SP3: variants seen among roughly 807,000 people sequenced by gnomAD.
SP3 encodes the protein Sp3 transcription factor, also known as transcription factor Sp3.
A neutral mutation model predicts 70.3 loss-of-function variants in SP3; 10 were observed. The ratio of observed to expected loss-of-function variants is 0.14; its 90% CI spans 0.09 to 0.24. The LOEUF is 0.24. SP3 is among the 10% of genes least tolerant of loss of function. The probability of loss-of-function intolerance (pLI) is 1.00; values close to 1 mark genes in which losing one functional copy is unlikely to be tolerated. For synonymous variants in SP3, 402 were observed against 333.5 expected (o/e 1.21, Z -2.24); for missense variants, 825 against 914.6 (o/e 0.90, Z 1.26).
chr2:173,933,637 TTTATATATA>T (rs1297697032), intron 4 of SP3, among the ~76,000 whole-genome samples: 1 of 104,654 alleles, frequency 9.6e-6, no homozygotes, highest in African/African-American at 4.0e-5. Flanking sequence ...TTTATAAAAC[TTTATATATA>T]TATATATATA....
At chr2:173,940,161 C>T (rs1218442072) in intron 4 of SP3, among the ~76,000 whole-genome samples, 2 of 152,166 alleles carry the variant, frequency 1.3e-5, no homozygotes, top group African/African-American at 2.4e-5. Flanking sequence ...TATGCCACCA[C>T]ACTCAGCCTA....
chr2:173,913,320 A>T lies in SP3; in HGVS notation c.1833-54T>A, dbSNP rs895401345. On this transcript the variant is annotated intron_variant, in intron 5 of 6. Coordinates refer to ENST00000310015, the MANE Select transcript of SP3 (RefSeq NM_003111.5). ...CTTATATGAAAATATTCAAATGGAC[A>T]TTACCATTTACATCATATATCCCCA... 7.1e-6 allele frequency: 9 copies of T among 1,276,432 alleles called. No individual in the cohort carries two copies. The African/African-American group carries it at 1.4e-4, about 19-fold the overall frequency. 79.1% of individuals were successfully genotyped at this position (1,276,432 alleles called of 1,614,324 possible).
chr2:173,965,265 CG>C lies in SP3; in HGVS notation c.-95del. 1.4e-6 allele frequency: 2 copies of C among 1,400,934 alleles called. No individual in the cohort carries two copies. The highest frequency in any genetic ancestry group is 2.0e-6 in the Non-Finnish European group (2 of 1,015,634). 86.8% of individuals were successfully genotyped at this position (1,400,934 alleles called of 1,614,324 possible). ...CGGCGGGAGAGGATGCGGGAAGCGG[CG>C]GCGGACACGGCCGGAGCGGTCCGGG... On this transcript the variant is annotated 5_prime_UTR_variant, in exon 1 of 7. Coordinates refer to ENST00000310015, the MANE Select transcript of SP3 (RefSeq NM_003111.5).
Position 173,964,261 on chromosome 2 carries a change from G to A in SP3, c.156+144C>T, listed in dbSNP as rs1574431593. On this transcript the variant is annotated intron_variant, in intron 2 of 6. Coordinates refer to ENST00000310015, the MANE Select transcript of SP3 (RefSeq NM_003111.5). The stretch of plus-strand genomic sequence containing the variant: ...GGGTCGGAGCGTTGGCGCCTCGGGC[G>A]GGCAGCTCCCGGGGCGGGGGGAGGG... 4 of 511,170 alleles carry A rather than the reference G, an allele frequency of 7.8e-6. No homozygotes were observed. The East Asian group carries it at 1.1e-4, about 14-fold the overall frequency. The allele number at this position is 511,170 out of a possible 1,614,324, so 31.7% of individuals were successfully genotyped here.
At chr2:173,910,597 A>G (rs1447601845) in intron 6 of SP3, among the ~76,000 whole-genome samples, 11 of 152,252 alleles carry the variant, frequency 7.2e-5, no homozygotes, top group Admixed American at 7.2e-4. Context: ...TCTATAACAC[A>G]CTTTAAAGTC....
intron 6 of SP3, among the ~76,000 whole-genome samples, chr2:173,910,834 T>C (rs6433449): frequency 0.72 from 109,393 of 151,996 alleles, 40,349 homozygotes; most frequent in African/African-American, 0.86. Flanking sequence ...CCTAATATGT[T>C]AAGATGTTAA....
intron 1 of SP3, 108 bp downstream of exon 1, chr2:173,965,057 G>T: frequency 1.4e-6 from 2 of 1,422,362 alleles, no homozygotes; most frequent in African/African-American, 1.4e-5. Flanking sequence ...ACAGACACTC[G>T]GTCGCACACA....
At chr2:173,933,387 G>A (rs1296719409) in intron 4 of SP3, among the ~76,000 whole-genome samples, 2 of 151,830 alleles carry the variant, frequency 1.3e-5, no homozygotes, top group Admixed American at 6.6e-5. Context: ...AACAGAGCAG[G>A]GCAAAATTAA....
intron 4 of SP3, among the ~76,000 whole-genome samples, chr2:173,951,187 G>A (rs1195426783): frequency 6.6e-6 from 1 of 152,088 alleles, no homozygotes; most frequent in Non-Finnish European, 1.5e-5. Flanking sequence ...AACACCTATA[G>A]AACGCTGTAA....
At chr2:173,963,002 T>C (rs2105508224) in intron 3 of SP3, 1 of 152,336 alleles carries the variant, frequency 6.6e-6, no homozygotes, top group East Asian at 1.9e-4. Context: ...AATGAAAACA[T>C]ACTTTTGCCA....
At chr2:173,928,634 G>A (rs753624500) in intron 4 of SP3, among the ~76,000 whole-genome samples, 1 of 152,106 alleles carries the variant, frequency 6.6e-6, no homozygotes, top group East Asian at 1.9e-4. Flanking sequence ...TCCACTAAAC[G>A]ACACCTATGT....
At chr2:173,956,262 T>C in intron 3 of SP3, 30 bp from the exon 4 acceptor site, 1 of 1,536,602 alleles carries the variant, frequency 6.5e-7, no homozygotes, top group African/African-American at 1.4e-5. Flanking sequence ...AGGTGATATA[T>C]TTGTGGTATA....
chr2:173,950,658 TAAA>T (rs528534985), intron 4 of SP3, among the ~76,000 whole-genome samples: 2 of 130,514 alleles, frequency 1.5e-5, no homozygotes, highest in Non-Finnish European at 3.3e-5. Flanking sequence ...CCCTGTCTCT[TAAA>T]AAAAAAAAAA....
rs1353745402 is a variant in SP3, at chr2:173,964,432, A to C, written c.129T>G (p.Gly43=). The change falls in exon 2 of 7, where the codon GGT becomes GGG. Residue 43 remains glycine, a synonymous_variant. Transcript: ENST00000310015. ...YLQQQQQHGN[G]AVAAAAAAQD... ...GGGCCGCCGCTGCCGCCGCCACCGC[A>C]CCGTTTCCGTGCTGTTGCTGCTGCT... The C allele has an allele frequency of 1.4e-6, 1 of 730,410 alleles. No homozygotes were observed. The highest frequency in any genetic ancestry group is 1.8e-5 in the Admixed American group (1 of 54,878). The allele number at this position is 730,410 out of a possible 1,614,324, so 45.2% of individuals were successfully genotyped here.
In SP3 at chr2:173,911,813, C is replaced by CTTTTTT. The variant is rs11448837; in HGVS notation, c.2029+1251_2029+1256dup. 5.5e-4 allele frequency among the ~76,000 whole-genome samples: 54 copies of CTTTTTT among 98,018 alleles called. 1 individual carries two copies. The highest frequency in any genetic ancestry group is 7.9e-4 in the Non-Finnish European group (41 of 52,090). 64.3% of individuals were successfully genotyped at this position (98,018 alleles called of 152,430 possible). A position where few individuals can be genotyped will look rare whatever the true frequency, so the allele number is the denominator to read the frequency against. On this transcript the variant is annotated intron_variant, in intron 6 of 6. Transcript: ENST00000310015. ...CTGCAACGCAAAATCTTTTATCTAC[C>CTTTTTT]TTTTTTTTTTTTTTTTTTTTTTTGA...
intron 3 of SP3, among the ~76,000 whole-genome samples, chr2:173,961,510 C>T (rs1344948334): frequency 2.0e-5 from 3 of 152,146 alleles, no homozygotes; most frequent in Non-Finnish European, 4.4e-5. Flanking sequence ...TGGTGAAACG[C>T]AAACAAAGTC....
At chr2:173,926,852 T>G (rs1689924805) in intron 4 of SP3, among the ~76,000 whole-genome samples, 1 of 152,178 alleles carries the variant, frequency 6.6e-6, no homozygotes, top group Non-Finnish European at 1.5e-5. Context: ...GTTATGCTTT[T>G]TAGATAGTAT....
At chr2:173,933,642 A>ATATATG (rs1690130228) in intron 4 of SP3, among the ~76,000 whole-genome samples, 2 of 123,280 alleles carry the variant, frequency 1.6e-5, no homozygotes, top group African/African-American at 7.7e-5. Context: ...AAAACTTTAT[A>ATATATG]TATATATATA....
intron 4 of SP3, among the ~76,000 whole-genome samples, chr2:173,950,091 TG>T (rs1372172011): frequency 1.3e-5 from 2 of 152,064 alleles, no homozygotes; most frequent in Non-Finnish European, 2.9e-5. Context: ...GGGCCACAAA[TG>T]GACAGAAATA....
Sources: gnomAD v4.1 joint callset for allele counts (sites outside exome capture counted in the v4.1 genomes callset) on GRCh38, gnomAD v4.1.1 for gene constraint, MANE v1.5 for transcripts, NCBI Gene and HGNC (gene_info 2026-07-23, HGNC 2026-07-21) for gene names.